The following SHANK2 variants were observed in gnomAD, a reference collection of about 807,000 sequenced individuals.
SHANK2 encodes SH3 and multiple ankyrin repeat domains 2.
In SHANK2, 43 loss-of-function variants were observed where a neutral mutation model predicts 133.7. That is an observed-to-expected ratio of 0.32 (90% CI 0.25 to 0.41). The LOEUF is 0.41. Among genes scored for constraint, SHANK2 ranks in the 10% least tolerant of loss-of-function variants. SHANK2 has a pLI of 1.00. For synonymous variants in SHANK2, 1,017 were observed against 952.8 expected (o/e 1.07, Z -1.24); for missense variants, 1,994 against 2,235.8 (o/e 0.89, Z 2.18).
rs1377323981 is a variant in SHANK2, at chr11:70,469,536, T to A, written c.*3333A>T. 1.3e-5 allele frequency: 2 copies of A among 151,998 alleles called. No homozygotes were observed. The highest frequency in any genetic ancestry group is 4.9e-5 in the African/African-American group (2 of 41,232). 9.4% of individuals were successfully genotyped at this position (151,998 alleles called of 1,614,324 possible). On this transcript the variant is annotated 3_prime_UTR_variant, in exon 26 of 26. Transcript: ENST00000601538. ...AATTACAGGAGCTTTTTTTTTTTTT[T>A]ATAAAGTCTAAAAAGAATAAAAGCA...
intron 3 of SHANK2, among the ~76,000 whole-genome samples, chr11:71,126,805 C>T (rs1565466374): frequency 6.7e-6 from 1 of 149,782 alleles, no homozygotes; most frequent in Non-Finnish European, 1.5e-5. Flanking sequence ...TGGTTCACCA[C>T]AACCTCCGCC....
At chr11:70,763,093 G>A (rs1036440133) in intron 14 of SHANK2, among the ~76,000 whole-genome samples, 5 of 152,174 alleles carry the variant, frequency 3.3e-5, no homozygotes, top group African/African-American at 1.2e-4. Context: ...TGTGACAGGG[G>A]AACTCATTGG....
rs2058812281 is a variant in SHANK2 at position 70,486,722 on chromosome 11, C to T, written c.3571G>A (p.Ala1191Thr). 1.2e-6 allele frequency: 2 copies of T among 1,610,298 alleles called. No individual in the cohort carries two copies. The highest frequency in any genetic ancestry group is 8.5e-7 in the Non-Finnish European group (1 of 1,179,930). ...GPESSPAVPSASSGTAGPGNY... is the reference protein window; with the variant it reads ...GPESSPAVPSTSSGTAGPGNY... ...CCGGGGCCGGCTGTGCCGCTGCTCG[C>T]GGAGGGCACTGCTGGGCTGCTCTCG... The change falls in exon 25 of 26, where the codon GCG becomes ACG. Residue 1191 changes from alanine to threonine, a missense_variant. By Grantham distance (58) the Ala-to-Thr change is moderately conservative (BLOSUM62 0). Around this residue, in one of 5 missense-constraint regions of SHANK2, gnomAD observed 797 missense variants for 907.4 expected, o/e 0.88. Transcript: ENST00000601538. This position sits in a 1 kb window ranked among gnomAD's most constrained non-coding sequence, Gnocchi z 8.0.
At chr11:71,088,181 A>T (rs1951444486) in intron 8 of SHANK2, among the ~76,000 whole-genome samples, 1 of 152,152 alleles carries the variant, frequency 6.6e-6, no homozygotes, top group Non-Finnish European at 1.5e-5. Context: ...CCAGAGACAA[A>T]CAGGATCCCC....
intron 11 of SHANK2, among the ~76,000 whole-genome samples, chr11:70,846,358 G>A (rs2135450396): frequency 6.6e-6 from 1 of 152,238 alleles, no homozygotes. Flanking sequence ...CAACCTCCCA[G>A]GCTCAAGCGA....
chr11:70,626,220 T>C (rs546507859), intron 17 of SHANK2, among the ~76,000 whole-genome samples: 1 of 152,354 alleles, frequency 6.6e-6, no homozygotes, highest in South Asian at 2.1e-4. Flanking sequence ...ACTCAATGCC[T>C]CATCCTCTTT....
chr11:70,945,540 C>T (rs1950712202), intron 10 of SHANK2, among the ~76,000 whole-genome samples: 1 of 152,212 alleles, frequency 6.6e-6, no homozygotes, highest in Non-Finnish European at 1.5e-5. Flanking sequence ...CTCACCACAA[C>T]CACTTCTTCA....
chr11:70,786,786 G>A lies in SHANK2; in HGVS notation c.1777+11657C>T, dbSNP rs115353552. ...ATTTGTTCATGGCCAGAGCAGTAGC[G>A]TTCACCAAGGTGGAGTGCCAGACTT... On this transcript the variant is annotated intron_variant, in intron 14 of 25. Transcript: ENST00000601538. 4.6e-3 allele frequency among the ~76,000 whole-genome samples: 695 copies of A among 152,220 alleles called. 8 individuals are homozygous for A. The highest frequency in any genetic ancestry group is 0.016 in the African/African-American group (660 of 41,512).
chr11:71,252,843 C>T (rs2135854854), upstream of SHANK2, among the ~76,000 whole-genome samples: 1 of 152,256 alleles, frequency 6.6e-6, no homozygotes, highest in Admixed American at 6.5e-5. The surrounding 1 kb of genome is among the most constrained non-coding windows in gnomAD (Gnocchi z 6.3). Flanking sequence ...GGCTGCGTGG[C>T]TCACGGACCT....
At chr11:71,132,403 C>T (rs1235357687) in intron 3 of SHANK2, among the ~76,000 whole-genome samples, 12 of 152,202 alleles carry the variant, frequency 7.9e-5, no homozygotes, top group Admixed American at 2.0e-4. Flanking sequence ...TGGCCCCAAA[C>T]CACAATACTC....
At chr11:70,695,142 G>A (rs1565247917) in intron 15 of SHANK2, among the ~76,000 whole-genome samples, 1 of 152,160 alleles carries the variant, frequency 6.6e-6, no homozygotes, top group Admixed American at 6.5e-5. Flanking sequence ...GACAGGTGGG[G>A]GCCAGAGTCT....
intron 15 of SHANK2, among the ~76,000 whole-genome samples, chr11:70,667,643 G>A (rs781943503): frequency 1.4e-4 from 21 of 152,172 alleles, no homozygotes; most frequent in Admixed American, 4.6e-4. Context: ...GACAGTTGGC[G>A]TTTAGGATCT....
At chr11:70,811,071 C>T (rs77564786) in intron 12 of SHANK2, among the ~76,000 whole-genome samples, 1 of 152,150 alleles carries the variant, frequency 6.6e-6, no homozygotes, top group Admixed American at 6.5e-5. Flanking sequence ...GTCAGCCCAG[C>T]CCCATGATCA....
At chr11:70,530,109 T>G (rs1259920764) in intron 17 of SHANK2, among the ~76,000 whole-genome samples, 1 of 152,182 alleles carries the variant, frequency 6.6e-6, no homozygotes, top group Non-Finnish European at 1.5e-5. Flanking sequence ...TTGCTCACCA[T>G]GTTCACAGCA....
At chr11:70,496,638 G>A (rs577593776) in intron 21 of SHANK2, among the ~76,000 whole-genome samples, 16 of 152,312 alleles carry the variant, frequency 1.1e-4, no homozygotes, top group South Asian at 4.1e-4. Context: ...TTCCCATGTC[G>A]AAGGGAAAAC....
chr11:71,235,762 G>A (rs1954819288), intron 1 of SHANK2, among the ~76,000 whole-genome samples: 1 of 152,182 alleles, frequency 6.6e-6, no homozygotes, highest in South Asian at 2.1e-4. Flanking sequence ...ATGCAGCAGG[G>A]ACAGAAGAGC....
Position 70,487,047 on chromosome 11 carries a change from G to A in SHANK2, c.3246C>T (p.Ile1082=), listed in dbSNP as rs782033757. ...LTVSSPFAAA[I]AGAVRDREKR... ...TCTCACGGTCGCGGACGGCTCCGGC[G>A]ATGGCGGCGGCAAAGGGGCTGCTGA... The change falls in exon 25 of 26, where the codon ATC becomes ATT. Residue 1082 remains isoleucine, a synonymous_variant. Transcript: ENST00000601538. The surrounding 1 kb of genome is among the most constrained non-coding windows in gnomAD (Gnocchi z 5.8). The A allele has an allele frequency of 1.9e-6, 3 of 1,608,660 alleles. No individual in the cohort carries two copies. Among genetic ancestry groups the A allele is most frequent in the Admixed American group, 1.7e-5 (1 of 59,976 alleles).
chr11:70,869,403 C>T lies in SHANK2; in HGVS notation c.1174+27098G>A, dbSNP rs76619237. On this transcript the variant is annotated intron_variant, in intron 11 of 25. Coordinates refer to ENST00000601538, the MANE Select transcript of SHANK2 (RefSeq NM_012309.5). ...AATGCTTGGGATGCACCGATCGGCA[C>T]GTTATTAAACCCACTGGGACCAACA... Among the ~76,000 whole-genome samples the T allele has an allele frequency of 6.6e-3, 1,000 of 152,310 alleles. 14 individuals carry two copies. Among genetic ancestry groups the T allele is most frequent in the African/African-American group, 0.023 (967 of 41,558 alleles).
Position 70,816,743 on chromosome 11 carries a change from T to A in SHANK2, c.1493+3621A>T, listed in dbSNP as rs868929661. On this transcript the variant is annotated intron_variant, in intron 12 of 25. Coordinates refer to ENST00000601538, the MANE Select transcript of SHANK2 (RefSeq NM_012309.5). ...CAGTCCTGTGATCCACCATCCAGCA[T>A]CACCAGGGCTGGCCGAATGAGCGTT... Among the ~76,000 whole-genome samples the A allele has an allele frequency of 5.9e-5, 9 of 152,304 alleles. No homozygotes were observed. The Middle Eastern group carries it at 0.01, about 173-fold the overall frequency.
Sources: gnomAD v4.1 joint callset for allele counts (sites outside exome capture counted in the v4.1 genomes callset) on GRCh38, gnomAD v4.1.1 for gene constraint, gnomAD v4.1.1 regional missense constraint, Gnocchi (gnomAD v3.1) non-coding constraint, MANE v1.5 for transcripts, NCBI Gene and HGNC (gene_info 2026-07-23, HGNC 2026-07-21) for gene names.